Variants in NALF1 observed in about 807,000 individuals in gnomAD.
The protein encoded by NALF1 is family with sequence similarity 155 member A.
NALF1 carries 3 observed loss-of-function variants against 48.4 expected under a neutral mutation model. The ratio of observed to expected loss-of-function variants is 0.06; its 90% CI spans 0.03 to 0.16. The LOEUF is 0.16. Ranked by LOEUF, NALF1 falls within the 10% of genes least tolerant of loss-of-function variation. The pLI is 1.00. For synonymous variants in NALF1, 262 were observed against 245.7 expected (o/e 1.07, Z -0.62); for missense variants, 526 against 571.5 (o/e 0.92, Z 0.81).
intron 1 of NALF1, among the ~76,000 whole-genome samples, chr13:107,671,331 A>G (rs1408367349): frequency 6.6e-6 from 1 of 152,136 alleles, no homozygotes; most frequent in East Asian, 1.9e-4. Flanking sequence ...GGAGTTTTTC[A>G]TATAACAAAA....
intron 1 of NALF1, among the ~76,000 whole-genome samples, chr13:107,577,638 A>C (rs976170618): frequency 1.3e-5 from 2 of 152,146 alleles, no homozygotes; most frequent in African/African-American, 4.8e-5. Flanking sequence ...TCTTGCCTCT[A>C]CTGGGAAGAT....
chr13:107,682,018 T>C (rs1881317759), intron 1 of NALF1, among the ~76,000 whole-genome samples: 1 of 152,168 alleles, frequency 6.6e-6, no homozygotes, highest in African/African-American at 2.4e-5. Context: ...GACCTCCTGG[T>C]CTTTTATTTC....
chr13:107,214,373 T>C (rs1237958228), intron 1 of NALF1, among the ~76,000 whole-genome samples: 1 of 152,238 alleles, frequency 6.6e-6, no homozygotes, highest in African/African-American at 2.4e-5. Flanking sequence ...CTAGAAATCT[T>C]TTTTATAATG....
At chr13:107,265,359 C>T (rs1168552539) in intron 1 of NALF1, among the ~76,000 whole-genome samples, 2 of 152,108 alleles carry the variant, frequency 1.3e-5, no homozygotes, top group African/African-American at 4.8e-5. Context: ...ATTAATTTAA[C>T]TGCCAAATGT....
At chr13:107,395,907 C>T (rs550998009) in intron 1 of NALF1, among the ~76,000 whole-genome samples, 61 of 151,760 alleles carry the variant, frequency 4.0e-4, no homozygotes, top group African/African-American at 1.4e-3. Context: ...ATCTTAATAA[C>T]CTCTTTAGAG....
chr13:107,707,420 A>C (rs1875429710), intron 1 of NALF1, among the ~76,000 whole-genome samples: 1 of 152,188 alleles, frequency 6.6e-6, no homozygotes, highest in Non-Finnish European at 1.5e-5. Flanking sequence ...ATCCCTTTTC[A>C]TGTTGATGAT....
intron 1 of NALF1, among the ~76,000 whole-genome samples, chr13:107,336,211 G>T (rs1438683183): frequency 6.6e-6 from 1 of 151,976 alleles, no homozygotes; most frequent in Non-Finnish European, 1.5e-5. Flanking sequence ...AATTTAGCCT[G>T]ACATGGTGGT....
chr13:107,204,370 G>C (rs1183790852), intron 2 of NALF1, among the ~76,000 whole-genome samples: 1 of 152,276 alleles, frequency 6.6e-6, no homozygotes, highest in Non-Finnish European at 1.5e-5. Context: ...CCTGGGCACT[G>C]TGTTCTGGCA....
chr13:107,651,787 A>G (rs571959275), intron 1 of NALF1, among the ~76,000 whole-genome samples: 5 of 152,254 alleles, frequency 3.3e-5, no homozygotes, highest in African/African-American at 1.2e-4. Context: ...GAGGATTACT[A>G]CAGTTCAAGT....
intron 1 of NALF1, among the ~76,000 whole-genome samples, chr13:107,303,941 A>T (rs951365283): frequency 6.6e-6 from 1 of 152,182 alleles, no homozygotes; most frequent in Non-Finnish European, 1.5e-5. Context: ...TTGCAAAATC[A>T]ATCCAAATAT....
intron 1 of NALF1, among the ~76,000 whole-genome samples, chr13:107,827,804 G>T (rs909276589): frequency 1.1e-4 from 17 of 152,066 alleles, no homozygotes; most frequent in African/African-American, 4.1e-4. Flanking sequence ...ATGTAGTACT[G>T]AATTGAAAAA....
At chr13:107,466,058 G>A (rs1320512035) in intron 1 of NALF1, 1 of 152,780 alleles carries the variant, frequency 6.5e-6, no homozygotes, top group East Asian at 1.9e-4. Flanking sequence ...GGCAGAAGGT[G>A]AAAGGCACGT....
chr13:107,451,191 G>A (rs544321353), intron 1 of NALF1, among the ~76,000 whole-genome samples: 19 of 152,210 alleles, frequency 1.2e-4, no homozygotes, highest in Admixed American at 6.5e-5. Flanking sequence ...GGCCACAAGC[G>A]GAAATGTTTG....
intron 1 of NALF1, among the ~76,000 whole-genome samples, chr13:107,749,509 C>G (rs1167162590): frequency 6.6e-6 from 1 of 151,752 alleles, no homozygotes; most frequent in Non-Finnish European, 1.5e-5. Context: ...TTATTTAAAC[C>G]AACCTATCCA....
intron 1 of NALF1, among the ~76,000 whole-genome samples, chr13:107,451,442 C>A (rs1884738397): frequency 6.6e-6 from 1 of 151,884 alleles, no homozygotes; most frequent in Non-Finnish European, 1.5e-5. Flanking sequence ...GTTCTCAGAA[C>A]AAACAGCAGT....
At chr13:107,649,454 ATATTT>A (rs1415487450) in intron 1 of NALF1, among the ~76,000 whole-genome samples, 15 of 152,174 alleles carry the variant, frequency 9.9e-5, no homozygotes, top group African/African-American at 3.1e-4. Flanking sequence ...TTCTCCAGTT[ATATTT>A]TATTTTGTTT....
At position 107,866,471 on chromosome 13, in the gene NALF1, C is replaced by T; in HGVS notation, c.126G>A (p.Leu42=). 6.2e-7 allele frequency: 1 copy of T among 1,614,130 alleles called. No individual in the cohort carries two copies. The highest frequency in any genetic ancestry group is 8.5e-7 in the Non-Finnish European group (1 of 1,180,016). Residue 42 remains leucine (L), a synonymous_variant, in exon 1 of 3, where the codon CTG becomes CTA. Coordinates refer to ENST00000375915, the MANE Select transcript of NALF1 (RefSeq NM_001080396.3). The surrounding 1 kb of genome is among the most constrained non-coding windows in gnomAD (Gnocchi z 4.4). ...SERAQKWRLS[L]ASLLFFTVLL... is the part of the protein sequence containing the mutation. ...GGACTGTGAAAAACAAGAGAGATGC[C>T]AGAGACAGTCGCCATTTCTGAGCCC...
At position 107,757,800 on chromosome 13, in the gene NALF1, T is replaced by C. The variant is rs559728779; in HGVS notation, c.915+107882A>G. Among the ~76,000 whole-genome samples the C allele has an allele frequency of 7.2e-5, 11 of 152,352 alleles. No homozygotes were observed. In the East Asian group the frequency reaches 2.1e-3, roughly 29 times the overall value. The stretch of plus-strand genomic sequence containing the variant: ...CATCTATCAAATGAATCCACTTAAC[T>C]AATTTGAAGTTTATTCAGTCTGAAT... On this transcript the variant is annotated intron_variant, in intron 1 of 2. Transcript: ENST00000375915.
At chr13:107,356,631 A>G (rs371979610) in intron 1 of NALF1, among the ~76,000 whole-genome samples, 77 of 152,328 alleles carry the variant, frequency 5.1e-4, no homozygotes, top group African/African-American at 1.8e-3. Context: ...ATGTGATATT[A>G]AATACACAGA....
Sources: allele counts gnomAD v4.1 joint callset (sites outside exome capture counted in the v4.1 genomes callset), GRCh38; gene constraint gnomAD v4.1.1; non-coding constraint Gnocchi (gnomAD v3.1); transcripts MANE v1.5; gene names NCBI Gene and HGNC (gene_info 2026-07-23, HGNC 2026-07-21).